SLC44A2: variants seen among roughly 807,000 people sequenced by gnomAD.
The protein encoded by SLC44A2 is choline transporter-like protein 2.
In SLC44A2, 57 loss-of-function variants were observed where a neutral mutation model predicts 90.8. That is an observed-to-expected ratio of 0.63 (90% CI 0.51 to 0.78). The LOEUF is 0.78. Among genes scored for constraint, SLC44A2 ranks in the 30% least tolerant of loss-of-function variants. The pLI is 0.00. For missense variants in SLC44A2, 794 were observed against 919.7 expected (o/e 0.86, Z 1.77); for synonymous variants, 355 against 360.7 (o/e 0.98, Z 0.18).
upstream of SLC44A2, among the ~76,000 whole-genome samples, chr19:10,623,803 C>T (rs2066909014): frequency 6.6e-6 from 1 of 151,770 alleles, no homozygotes; most frequent in Non-Finnish European, 1.5e-5. Context: ...GATTCTCCTA[C>T]TTCAGCCTCC....
upstream of SLC44A2, among the ~76,000 whole-genome samples, chr19:10,624,595 T>G (rs376964919): frequency 5.9e-5 from 9 of 152,268 alleles, no homozygotes; most frequent in East Asian, 1.9e-4. Flanking sequence ...ACCTGGCCTA[T>G]GCCTGCTCTT....
chr19:10,610,610 G>A (rs964143882), intron 1 of SLC44A2, among the ~76,000 whole-genome samples: 34 of 142,056 alleles, frequency 2.4e-4, no homozygotes, highest in Non-Finnish European at 3.8e-4. Context: ...TGGGATTACA[G>A]TCGTGAGCCA....
At chr19:10,625,509 C>G, upstream of SLC44A2, 1 of 1,224,298 alleles carries the variant, frequency 8.2e-7, no homozygotes, top group South Asian at 4.2e-5. Flanking sequence ...TGGGCCGCCC[C>G]GCCTGGCGCT....
intron 10 of SLC44A2, among the ~76,000 whole-genome samples, chr19:10,633,314 C>G (rs2067017371): frequency 6.6e-6 from 1 of 151,860 alleles, no homozygotes. Context: ...CAGGCGCACA[C>G]CACCATGCCC....
rs74795234 is a variant in SLC44A2, at chr19:10,644,138, G to A, written c.*753G>A. On this transcript the variant is annotated 3_prime_UTR_variant, in exon 22 of 22. Coordinates refer to ENST00000335757, the MANE Select transcript of SLC44A2 (RefSeq NM_020428.4). Reference sequence around the variant, plus strand: ...ATGGAAACCTGCTGGGCTGGAGGGAGTTAGGCTGAATTTCCCGACTTCCTC... The same window carrying A: ...ATGGAAACCTGCTGGGCTGGAGGGAATTAGGCTGAATTTCCCGACTTCCTC... 4,958 of 152,574 alleles carry A rather than the reference G, an allele frequency of 0.032. 115 individuals are homozygous for A. Among genetic ancestry groups the A allele is most frequent in the South Asian group, 0.059 (286 of 4,822 alleles). 9.5% of individuals were successfully genotyped at this position (152,574 alleles called of 1,614,324 possible).
rs1343831487 is a variant in SLC44A2 at position 10,636,372 on chromosome 19, A to T, written c.1283A>T (p.Gln428Leu). ...ESRQCPNARC[Q>L]FAFYGGESGY... ...CGCCAATGCCCCAATGCCCGTTGCC[A>T]GTTCGCCTTCTACGGTGGTGAGTCG... The change falls in exon 15 of 22, where the codon CAG (glutamine) becomes CTG (leucine). Residue 428 changes from glutamine (Q) to leucine (L), a missense_variant. Gln to Leu is a moderately radical substitution (Grantham distance 113, BLOSUM62 -2). Transcript: ENST00000335757. The T allele has an allele frequency of 6.2e-7, 1 of 1,613,468 alleles. No homozygotes were observed. Among genetic ancestry groups the T allele is most frequent in the Admixed American group, 1.7e-5 (1 of 59,926 alleles).
At chr19:10,631,785 T>C (rs772306150) in intron 8 of SLC44A2, 36 bp downstream of exon 8, 45 of 1,613,968 alleles carry the variant, frequency 2.8e-5, no homozygotes, top group Non-Finnish European at 3.5e-5. Flanking sequence ...GGGTCTCACT[T>C]TGCTGGGTGG....
upstream of SLC44A2, chr19:10,625,380 G>A (rs2066921393): frequency 1.0e-6 from 1 of 984,512 alleles, no homozygotes; most frequent in East Asian, 3.6e-5. Flanking sequence ...TCCCGGGTGG[G>A]GGCGGGGAAG....
chr19:10,612,521 C>T (rs1443088506), intron 1 of SLC44A2, among the ~76,000 whole-genome samples: 4 of 152,210 alleles, frequency 2.6e-5, no homozygotes, highest in Admixed American at 2.6e-4. Flanking sequence ...AACCCTTTGT[C>T]AAAAGAGGTG....
Position 10,632,173 on chromosome 19 carries a change from C to A in SLC44A2, c.823+17C>A. On this transcript the variant is annotated intron_variant, in intron 10 of 21. Coordinates refer to ENST00000335757, the MANE Select transcript of SLC44A2 (RefSeq NM_020428.4). Reference sequence around the variant, plus strand: ...TGGGCTACGGTGCGTCACCCCCTCCCTGTGGCTTCTCTTTCCTGAATCCGC... The same window carrying A: ...TGGGCTACGGTGCGTCACCCCCTCCATGTGGCTTCTCTTTCCTGAATCCGC... 6.3e-7 allele frequency: 1 copy of A among 1,597,426 alleles called. No homozygotes were observed. The highest frequency in any genetic ancestry group is 1.1e-5 in the South Asian group (1 of 90,728).
chr19:10,633,492 G>A (rs1193808293), intron 10 of SLC44A2, among the ~76,000 whole-genome samples: 1 of 152,066 alleles, frequency 6.6e-6, no homozygotes, highest in East Asian at 1.9e-4. Flanking sequence ...GTCTCACTCT[G>A]TCACCCAGGC....
chr19:10,635,458 C>G lies in SLC44A2; in HGVS notation c.1176C>G (p.Val392=). ...TCCTGTCCACTTCCAACGAAGCGGT[C>G]TATAAGATCTTTGATGACAGCCCCT... ...AVFLSTSNEA[V]YKIFDDSPCP... Residue 392 remains valine, a synonymous_variant, in exon 14 of 22, where the codon GTC becomes GTG. Transcript: ENST00000335757. The G allele has an allele frequency of 1.9e-6, 3 of 1,614,138 alleles. No homozygotes were observed. The highest frequency in any genetic ancestry group is 2.2e-5 in the South Asian group (2 of 91,068).
At chr19:10,642,866 T>A in intron 21 of SLC44A2, 1 of 1,553,058 alleles carries the variant, frequency 6.4e-7, no homozygotes, top group Non-Finnish European at 8.6e-7. Context: ...CCACCCCATT[T>A]TCCCCCTGCC....
chr19:10,617,615 C>T (rs1421917314), intron 1 of SLC44A2, among the ~76,000 whole-genome samples: 2 of 152,306 alleles, frequency 1.3e-5, no homozygotes, highest in Non-Finnish European at 2.9e-5. Context: ...CCGGTGCGGC[C>T]CTGTCATGCT....
In SLC44A2 at chr19:10,638,200, C is replaced by T. The variant is rs760726772; in HGVS notation, c.1841-27C>T. ...TGTTTCCTATATCCAGAACCCTTCG[C>T]CATCTTGCTTTCTTCTCCTTCTCCA... On this transcript the variant is annotated intron_variant, in intron 19 of 21. Coordinates refer to ENST00000335757, the MANE Select transcript of SLC44A2 (RefSeq NM_020428.4). The T allele has an allele frequency of 2.5e-6, 4 of 1,613,554 alleles. No homozygotes were observed. In the African/African-American group the frequency reaches 5.3e-5, roughly 22 times the overall value.
At chr19:10,626,397 G>T (rs2066934157) in intron 2 of SLC44A2, 96 bp downstream of exon 2, 5 of 965,594 alleles carry the variant, frequency 5.2e-6, no homozygotes, top group South Asian at 1.4e-5. Flanking sequence ...ACAAACTGGT[G>T]ACAAATATTT....
At chr19:10,622,093 A>G (rs902956624), upstream of SLC44A2, among the ~76,000 whole-genome samples, 2 of 152,234 alleles carry the variant, frequency 1.3e-5, no homozygotes, top group East Asian at 1.9e-4. Flanking sequence ...CCTGAAGGCA[A>G]CGGAGCTGTA....
At chr19:10,618,030 T>G (rs1243878647) in intron 1 of SLC44A2, among the ~76,000 whole-genome samples, 1 of 152,082 alleles carries the variant, frequency 6.6e-6, no homozygotes, top group Non-Finnish European at 1.5e-5. Flanking sequence ...TTTTAGACAG[T>G]TTCACTCTTC....
At chr19:10,609,629 A>T (rs1918226447) in intron 1 of SLC44A2, among the ~76,000 whole-genome samples, 1 of 151,646 alleles carries the variant, frequency 6.6e-6, no homozygotes, top group Non-Finnish European at 1.5e-5. Flanking sequence ...AAAAAACCAC[A>T]CATTATTAGT....
Sources: allele counts gnomAD v4.1 joint callset (sites outside exome capture counted in the v4.1 genomes callset), GRCh38; gene constraint gnomAD v4.1.1; transcripts MANE v1.5; gene names NCBI Gene and HGNC (gene_info 2026-07-23, HGNC 2026-07-21).